The following NOP14 variants were observed in gnomAD, a reference collection of about 807,000 sequenced individuals.
NOP14 encodes the protein nucleolar protein 14.
A neutral mutation model predicts 101.6 loss-of-function variants in NOP14; 57 were observed. The ratio of observed to expected loss-of-function variants is 0.56; its 90% CI spans 0.45 to 0.70. The LOEUF (loss-of-function observed/expected upper bound fraction) is 0.70, where lower values mean the gene tolerates loss of function less well. Ranked by LOEUF, NOP14 falls within the 30% of genes least tolerant of loss-of-function variation. NOP14 has a pLI of 0.00. For missense variants in NOP14, 1,134 were observed against 1,075.5 expected, an observed-to-expected ratio of 1.05 and a Z score of -0.76; for synonymous variants, 428 against 424.0, an observed-to-expected ratio of 1.01 and a Z score of -0.12.
Position 2,939,596 on chromosome 4 carries a change from C to A in NOP14, c.2249G>T (p.Cys750Phe). The change falls in exon 16 of 18, where the codon TGC becomes TTC. Residue 750 changes from cysteine (C) to phenylalanine (F), a missense_variant. Cys to Phe is a radical substitution (Grantham distance 205). Transcript: ENST00000416614. ...GCTCTTCTCACAGGTCAGCGGCCGG[C>A]AGAGCTGCTTCTGGCTTTCCATTTC... ...LTEMESQKQL[C>F]RPLTCEKSKP... 1 of 1,613,976 alleles carries A rather than the reference C, an allele frequency of 6.2e-7. No homozygotes were observed. Among genetic ancestry groups the A allele is most frequent in the Non-Finnish European group, 8.5e-7 (1 of 1,180,038 alleles).
rs747459687 is a variant in NOP14 at position 2,956,788 on chromosome 4, G to A, written c.354C>T (p.Ile118=). 1.2e-6 allele frequency: 2 copies of A among 1,605,914 alleles called. No individual in the cohort carries two copies. Reference sequence around the variant, plus strand: ...ATTCTTCATCTTCATTTAGATTGTAGATGCTTTTTTTCTCATGATGTCGCT... The same window carrying A: ...ATTCTTCATCTTCATTTAGATTGTAAATGCTTTTTTTCTCATGATGTCGCT... The part of the protein sequence containing the change: ...EQQRHHEKKS[I]YNLNEDEELT... The change falls in exon 3 of 18, where the codon ATC becomes ATT. Residue 118 remains isoleucine, a synonymous_variant. Transcript: ENST00000416614.
rs752833223 is a variant in NOP14, at chr4:2,963,346, C to G, written c.-27G>C. On this transcript the variant is annotated 5_prime_UTR_variant, in exon 1 of 18. Coordinates refer to ENST00000416614, the MANE Select transcript of NOP14 (RefSeq NM_001291978.2). ...GCGCGCGCCCCGCTGCGCCCAAGGG[C>G]CCGAGACCCGAAGAGAGACAGGCGC... 1 of 1,532,988 alleles carries G rather than the reference C, an allele frequency of 6.5e-7. No individual in the cohort carries two copies. The highest frequency in any genetic ancestry group is 8.7e-7 in the Non-Finnish European group (1 of 1,147,458). 95.0% of individuals were successfully genotyped at this position (1,532,988 alleles called of 1,614,324 possible).
At position 2,957,277 on chromosome 4, in the gene NOP14, G is replaced by A. The variant is rs565216895; in HGVS notation, c.330+329C>T. ...AGCCTCCCAAAGTGCTGGGATTACA[G>A]GCATGAGCCACCGCGCCCGGCCTCA... On this transcript the variant is annotated intron_variant, in intron 2 of 17. Coordinates refer to ENST00000416614, the MANE Select transcript of NOP14 (RefSeq NM_001291978.2). 3.3e-5 allele frequency among the ~76,000 whole-genome samples: 5 copies of A among 152,254 alleles called. No individual in the cohort carries two copies. In the East Asian group the frequency reaches 7.7e-4, roughly 24 times the overall value.
chr4:2,945,173 T>G lies in NOP14; in HGVS notation c.1692A>C (p.Pro564=), dbSNP rs763871928. The change falls in exon 12 of 18, where the codon CCA becomes CCC. Residue 564 remains proline, a synonymous_variant. Coordinates refer to ENST00000416614, the MANE Select transcript of NOP14 (RefSeq NM_001291978.2). ...GGCACACGAGGGCAGGGGTCACCAC[T>G]GGGTGCCAGAAGTCGGAAGTTGGAA... The part of the protein sequence containing the change: ...LLFPTSDFWH[P]VVTPALVCLS... The G allele has an allele frequency of 6.7e-5, 106 of 1,592,944 alleles. 1 individual carries two copies. The highest frequency in any genetic ancestry group is 4.5e-4 in the East Asian group (20 of 44,164).
intron 1 of NOP14, among the ~76,000 whole-genome samples, chr4:2,960,793 A>G (rs1339288982): frequency 2.2e-5 from 2 of 91,594 alleles, no homozygotes; most frequent in African/African-American, 8.4e-5. Flanking sequence ...TAATCACATT[A>G]ATATTAATAT....
At chr4:2,941,133 T>C (rs560021410) in intron 15 of NOP14, 1 of 161,202 alleles carries the variant, frequency 6.2e-6, no homozygotes, top group South Asian at 1.5e-4. Context: ...TGGAGCAGCC[T>C]GTAGAGGACA....
In NOP14 at chr4:2,939,640, C is replaced by T; in HGVS notation, c.2205G>A (p.Leu735=). Residue 735 remains leucine (L), a synonymous_variant, in exon 16 of 18, where the codon CTG becomes CTA. Transcript: ENST00000416614. ...DCSHPQELQE[L]CQSTLTEMES... Reference sequence around the variant, plus strand: ...CCATTTCGGTCAGTGTGCTCTGACACAGCTCCTGAAAAACACGAAATCCCC... The same window carrying T: ...CCATTTCGGTCAGTGTGCTCTGACATAGCTCCTGAAAAACACGAAATCCCC... 1.2e-6 allele frequency: 2 copies of T among 1,612,816 alleles called. No individual in the cohort carries two copies. Among genetic ancestry groups the T allele is most frequent in the African/African-American group, 1.3e-5 (1 of 75,056 alleles).
At chr4:2,959,703 T>C (rs1715600058) in intron 1 of NOP14, among the ~76,000 whole-genome samples, 1 of 152,232 alleles carries the variant, frequency 6.6e-6, no homozygotes, top group South Asian at 2.1e-4. Context: ...TCCATCGCCA[T>C]TGCTCTGTTC....
intron 7 of NOP14, chr4:2,950,519 A>C (rs887237461): frequency 2.3e-6 from 1 of 427,116 alleles, no homozygotes; most frequent in African/African-American, 2.0e-5. Flanking sequence ...TGCGGGCTTT[A>C]GCAGGAGGAG....
chr4:2,938,701 T>A lies in NOP14; in HGVS notation c.*130A>T. 1.5e-6 allele frequency: 1 copy of A among 681,864 alleles called. No individual in the cohort carries two copies. The highest frequency in any genetic ancestry group is 2.5e-6 in the Non-Finnish European group (1 of 401,080). The allele number at this position is 681,864 out of a possible 1,614,324, so 42.2% of individuals were successfully genotyped here. ...TTATGTTTTTTTGGTAGAGACGGGG[T>A]CTTCCTGTGTTGCCCAGGCTGGTCT... On this transcript the variant is annotated 3_prime_UTR_variant, in exon 18 of 18. Coordinates refer to ENST00000416614, the MANE Select transcript of NOP14 (RefSeq NM_001291978.2).
rs567068115 is a variant in NOP14 at position 2,938,697 on chromosome 4, G to A, written c.*134C>T. On this transcript the variant is annotated 3_prime_UTR_variant, in exon 18 of 18. Coordinates refer to ENST00000416614, the MANE Select transcript of NOP14 (RefSeq NM_001291978.2). The stretch of plus-strand genomic sequence containing the variant: ...ATTTTTATGTTTTTTTGGTAGAGAC[G>A]GGGTCTTCCTGTGTTGCCCAGGCTG... The A allele has an allele frequency of 2.2e-4, 145 of 666,884 alleles. 2 individuals are homozygous for A. The highest frequency in any genetic ancestry group is 5.0e-4 in the South Asian group (26 of 51,900). The allele number at this position is 666,884 out of a possible 1,614,324, so 41.3% of individuals were successfully genotyped here. A position where few individuals can be genotyped will look rare whatever the true frequency, so the allele number is the denominator to read the frequency against.
intron 17 of NOP14, 32 bp downstream of exon 17, chr4:2,939,156 A>G: frequency 1.2e-6 from 2 of 1,612,840 alleles, no homozygotes; most frequent in Non-Finnish European, 1.7e-6. Context: ...GAGTGACACC[A>G]CAATCGTGTC....
At chr4:2,956,500 A>C (rs543712332) in intron 3 of NOP14, among the ~76,000 whole-genome samples, 170 bp downstream of exon 3, 12 of 152,334 alleles carry the variant, frequency 7.9e-5, no homozygotes, top group South Asian at 4.1e-4. Flanking sequence ...TAAAAAAAAA[A>C]CAAAAATACA....
chr4:2,944,239 A>G lies in NOP14; in HGVS notation c.1738-13T>C, dbSNP rs754687560. ...ACAGGATGGGGCACTGGAAAGGAACATATGGGGGGTTACTGTCCTGGGACG... is the reference window on the plus strand; with the variant it reads ...ACAGGATGGGGCACTGGAAAGGAACGTATGGGGGGTTACTGTCCTGGGACG... On this transcript the variant is annotated splice_polypyrimidine_tract_variant and intron_variant, in intron 12 of 17. Transcript: ENST00000416614. 5.0e-6 allele frequency: 8 copies of G among 1,606,962 alleles called. No individual in the cohort carries two copies. Among genetic ancestry groups the G allele is most frequent in the South Asian group, 2.2e-5 (2 of 89,424 alleles).
intron 14 of NOP14, 56 bp downstream of exon 14, chr4:2,942,133 TCTC>T (rs1402926531): frequency 1.3e-6 from 2 of 1,535,444 alleles, no homozygotes; most frequent in Admixed American, 1.8e-5. Flanking sequence ...ACGAGTGGCT[TCTC>T]CTGCCTCTGG....
intron 1 of NOP14, among the ~76,000 whole-genome samples, chr4:2,960,648 A>G (rs1715669943): frequency 6.8e-6 from 1 of 147,288 alleles, no homozygotes; most frequent in Non-Finnish European, 1.5e-5. Flanking sequence ...TATTATTAAT[A>G]TAGTTACTAT....
intron 1 of NOP14, chr4:2,961,310 T>TATA (rs1577858800): frequency 3.2e-3 from 55 of 17,156 alleles, no homozygotes; most frequent in Non-Finnish European, 9.9e-3. Flanking sequence ...TAGTTACTGA[T>TATA]TTAAGAACTA....
chr4:2,959,503 G>C (rs1253957356), intron 1 of NOP14, among the ~76,000 whole-genome samples: 1 of 152,166 alleles, frequency 6.6e-6, no homozygotes, highest in East Asian at 1.9e-4. Context: ...TGAGGCAGGA[G>C]AATGGCGTGA....
chr4:2,938,349 C>T lies in NOP14; in HGVS notation c.*482G>A, dbSNP rs560721413. 2.0e-4 allele frequency: 105 copies of T among 514,312 alleles called. No individual in the cohort carries two copies. Among genetic ancestry groups the T allele is most frequent in the Non-Finnish European group, 3.0e-4 (89 of 295,580 alleles). The allele number at this position is 514,312 out of a possible 1,614,324, so 31.9% of individuals were successfully genotyped here. On this transcript the variant is annotated 3_prime_UTR_variant, in exon 18 of 18. Coordinates refer to ENST00000416614, the MANE Select transcript of NOP14 (RefSeq NM_001291978.2). ...CAGCCTGACCAACATGGAGAAACCCCGTCTCTACTAAAAATACAAAATTAG... is the reference window on the plus strand; with the variant it reads ...CAGCCTGACCAACATGGAGAAACCCTGTCTCTACTAAAAATACAAAATTAG...
Sources: gnomAD v4.1 joint callset for allele counts (sites outside exome capture counted in the v4.1 genomes callset) on GRCh38, gnomAD v4.1.1 for gene constraint, MANE v1.5 for transcripts, NCBI Gene and HGNC (gene_info 2026-07-23, HGNC 2026-07-21) for gene names.